The following DBNDD2 variants were observed in gnomAD, a reference collection of about 807,000 sequenced individuals.
DBNDD2 encodes the protein dysbindin domain-containing protein 2.
DBNDD2 carries 8 observed loss-of-function variants against 14.0 expected under a neutral mutation model. That is an observed-to-expected ratio of 0.57 (90% CI 0.33 to 1.03). The LOEUF (loss-of-function observed/expected upper bound fraction) is 1.03, where lower values mean the gene tolerates loss of function less well. Ranked by LOEUF, DBNDD2 falls within the 50% of genes least tolerant of loss-of-function variation. DBNDD2 has a pLI of 0.03. For synonymous variants in DBNDD2, 94 were observed against 85.3 expected (o/e 1.10, Z -0.56); for missense variants, 194 against 206.0 (o/e 0.94, Z 0.36).
chr20:45,407,512 G>A (rs1989518888), upstream of DBNDD2: 8 of 985,722 alleles, frequency 8.1e-6, no homozygotes, highest in Admixed American at 6.1e-5. Context: ...GGAGATGAGC[G>A]AATGGGAATG....
chr20:45,406,491 G>C, upstream of DBNDD2: 1 of 1,527,202 alleles, frequency 6.5e-7, no homozygotes. Context: ...GGAAGTACCA[G>C]TAGCCGCGCT....
At chr20:45,409,587 C>T (rs969372282) in intron 2 of DBNDD2, among the ~76,000 whole-genome samples, 1 of 152,164 alleles carries the variant, frequency 6.6e-6, no homozygotes, top group African/African-American at 2.4e-5. Context: ...ATTCCCAAAA[C>T]CCTTTGGGGA....
chr20:45,406,540 G>T (rs771004237), upstream of DBNDD2: 32 of 1,516,726 alleles, frequency 2.1e-5, no homozygotes, highest in African/African-American at 4.3e-5. Flanking sequence ...AGCTGCGAGC[G>T]AGTGAGCCCG....
upstream of DBNDD2, chr20:45,407,725 A>G: frequency 1.0e-6 from 1 of 997,204 alleles, no homozygotes; most frequent in Non-Finnish European, 1.2e-6. Context: ...CAAAGGAAAG[A>G]TGGTAGTCTC....
chr20:45,406,435 G>A, upstream of DBNDD2: 1 of 1,523,538 alleles, frequency 6.6e-7, no homozygotes, highest in East Asian at 2.8e-5. Context: ...GAGTCCGGCT[G>A]GGCGGAGGGA....
chr20:45,407,468 C>G (rs941582229), upstream of DBNDD2: 1 of 985,804 alleles, frequency 1.0e-6, no homozygotes. Context: ...ACTCCCTTGC[C>G]TCTGGTGATG....
chr20:45,406,955 C>T (rs533045322), upstream of DBNDD2, among the ~76,000 whole-genome samples: 53 of 152,322 alleles, frequency 3.5e-4, no homozygotes, highest in African/African-American at 1.2e-3. Context: ...CCCTGGCAGC[C>T]TCCTGCCCCC....
At position 45,408,844 on chromosome 20, in the gene DBNDD2, A is replaced by G. The variant is rs766110753; in HGVS notation, c.183A>G (p.Thr61=). 6 of 1,614,102 alleles carry G rather than the reference A, an allele frequency of 3.7e-6. No homozygotes were observed. In the South Asian group the frequency reaches 5.5e-5, roughly 15 times the overall value. Residue 61 remains threonine, a synonymous_variant, in exon 2 of 3, where the codon ACA becomes ACG. Coordinates refer to ENST00000372710, the MANE Select transcript of DBNDD2 (RefSeq NM_001048225.4). ...SISSMEVNVD[T]LEQVELIDLG... is the part of the protein sequence containing the mutation. ...CATCCATGGAAGTGAATGTGGACAC[A>G]CTGGAGCAAGTAGAACTTATTGACC... is the stretch of plus-strand genomic sequence containing the variant.
upstream of DBNDD2, chr20:45,406,307 G>A (rs1989367746): frequency 1.5e-6 from 1 of 668,876 alleles, no homozygotes; most frequent in African/African-American, 1.9e-5. Context: ...CATCAAGTGT[G>A]CGTGGGCAGA....
upstream of DBNDD2, chr20:45,407,979 T>G: frequency 7.1e-7 from 1 of 1,401,210 alleles, no homozygotes; most frequent in Admixed American, 2.9e-5. Flanking sequence ...TTTGTCTGGG[T>G]TTTGAAGGAT....
chr20:45,406,515 T>C, upstream of DBNDD2: 1 of 1,523,020 alleles, frequency 6.6e-7, no homozygotes, highest in Non-Finnish European at 8.8e-7. Flanking sequence ...AGGGGCTGCC[T>C]CCGACCGCCG....
chr20:45,406,606 G>C (rs889208005), upstream of DBNDD2: 13 of 1,433,454 alleles, frequency 9.1e-6, no homozygotes, highest in African/African-American at 1.8e-4. Context: ...CGGCTCCCAG[G>C]GCCCGTCGGT....
At chr20:45,408,283 TG>T (rs780338087), upstream of DBNDD2, 13 of 1,557,728 alleles carry the variant, frequency 8.3e-6, no homozygotes, top group East Asian at 3.2e-4. Flanking sequence ...ACTTGGTTTG[TG>T]GGACACACTT....
Position 45,409,966 on chromosome 20 carries a change from G to A in DBNDD2, c.312G>A (p.Pro104=), listed in dbSNP as rs376399077. 119 of 1,551,748 alleles carry A rather than the reference G, an allele frequency of 7.7e-5. No homozygotes were observed. In the African/African-American group the frequency reaches 1.3e-3, roughly 17 times the overall value. The change falls in exon 3 of 3, where the codon CCG becomes CCA. Residue 104 remains proline (P), a synonymous_variant. Transcript: ENST00000372710. ...MDNHLEELSL[P]VPTSDRTTSR... is the part of the protein sequence containing the mutation. The stretch of plus-strand genomic sequence containing the variant: ...ACCATTTGGAGGAGCTGAGCCTGCC[G>A]GTGCCTACATCAGACAGGACCACAT...
chr20:45,406,558 C>T (rs1307432369), upstream of DBNDD2: 8 of 1,499,916 alleles, frequency 5.3e-6, no homozygotes, highest in African/African-American at 1.5e-5. Context: ...CCGCCACCGC[C>T]CCTCCCCCAC....
Position 45,408,576 on chromosome 20 carries a change from C to T in DBNDD2, c.109C>T (p.Leu37=). 5 of 1,613,880 alleles carry T rather than the reference C, an allele frequency of 3.1e-6. No individual in the cohort carries two copies. The highest frequency in any genetic ancestry group is 4.2e-6 in the Non-Finnish European group (5 of 1,179,726). ...GCCAGAGACAGAGTTTGTCTTTCCT[C>T]TGTCCCATCTGCATCTCGAGTCGCA... ...LQPETEFVFP[L]SHLHLESQRP... Residue 37 remains leucine (L), a synonymous_variant, in exon 1 of 3, where the codon CTG becomes TTG. Coordinates refer to ENST00000372710, the MANE Select transcript of DBNDD2 (RefSeq NM_001048225.4).
At chr20:45,406,380 A>C (rs1234883583), upstream of DBNDD2, 1 of 1,382,640 alleles carries the variant, frequency 7.2e-7, no homozygotes, top group African/African-American at 1.5e-5. Context: ...CATCCGAGCG[A>C]GCGGAGACTA....
At chr20:45,408,091 A>G, upstream of DBNDD2, 3 of 1,478,660 alleles carry the variant, frequency 2.0e-6, no homozygotes, top group Non-Finnish European at 9.0e-7. Flanking sequence ...AGCGGGGCCA[A>G]TTAAGGGGAA....
upstream of DBNDD2, chr20:45,408,209 CTT>C (rs1204261202): frequency 6.4e-7 from 1 of 1,551,018 alleles, no homozygotes; most frequent in African/African-American, 1.4e-5. Context: ...GAGTATCTCT[CTT>C]GTGGTGCCTG....
Sources: gnomAD v4.1 joint callset for allele counts (sites outside exome capture counted in the v4.1 genomes callset) on GRCh38, gnomAD v4.1.1 for gene constraint, MANE v1.5 for transcripts, NCBI Gene and HGNC (gene_info 2026-07-23, HGNC 2026-07-21) for gene names.